MYO16: variants seen among roughly 807,000 people sequenced by gnomAD.
MYO16 encodes the protein unconventional myosin-XVI.
MYO16 carries 94 observed loss-of-function variants against 205.3 expected under a neutral mutation model. The ratio of observed to expected loss-of-function variants is 0.46; its 90% CI spans 0.39 to 0.54. The LOEUF (loss-of-function observed/expected upper bound fraction) is 0.54. Ranked by LOEUF, MYO16 falls within the 20% of genes least tolerant of loss-of-function variation. The pLI is 0.00. For missense variants in MYO16, 2,315 were observed against 2,387.5 expected, an observed-to-expected ratio of 0.97 and a Z score of 0.63; for synonymous variants, 988 against 954.0, an observed-to-expected ratio of 1.04 and a Z score of -0.66.
intron 4 of MYO16, among the ~76,000 whole-genome samples, chr13:108,747,808 C>T (rs142627221): frequency 4.2e-3 from 635 of 152,060 alleles, no homozygotes; most frequent in African/African-American, 0.015. Flanking sequence ...TATAAAGATG[C>T]AGACAGGATA....
At chr13:108,557,037 G>A in the MYO16 span, among the ~76,000 whole-genome samples, 5 of 152,094 alleles carry the variant, frequency 3.3e-5, no homozygotes, top group South Asian at 2.1e-4. Context: ...TACCATAGCC[G>A]CCTATTATTT....
At chr13:109,199,258 T>C (rs1210098234) in intron 34 of MYO16, among the ~76,000 whole-genome samples, 1 of 139,584 alleles carries the variant, frequency 7.2e-6, no homozygotes, top group Non-Finnish European at 1.6e-5. Context: ...TTTGCCTCGC[T>C]CCATCTCTGT....
At chr13:108,767,832 G>T (rs990602857) in intron 4 of MYO16, among the ~76,000 whole-genome samples, 24 of 152,098 alleles carry the variant, frequency 1.6e-4, no homozygotes, top group African/African-American at 5.6e-4. Context: ...GGAATGTGTG[G>T]TTTGATATAT....
At chr13:109,064,968 A>G (rs1887699858) in intron 27 of MYO16, among the ~76,000 whole-genome samples, 1 of 152,188 alleles carries the variant, frequency 6.6e-6, no homozygotes, top group Admixed American at 6.5e-5. Flanking sequence ...GCTGTGAGCT[A>G]ACTGGGATTA....
At chr13:108,564,230 G>A in the MYO16 span, among the ~76,000 whole-genome samples, 28 of 149,680 alleles carry the variant, frequency 1.9e-4, no homozygotes, top group Non-Finnish European at 3.0e-4. Context: ...GAATGCAGTG[G>A]CACCATCTTG....
intron 4 of MYO16, among the ~76,000 whole-genome samples, chr13:108,763,661 T>C (rs1218983032): frequency 2.0e-5 from 3 of 152,180 alleles, no homozygotes; most frequent in South Asian, 4.1e-4. Flanking sequence ...GTTAACGAAA[T>C]CTTTTTGTGT....
At chr13:108,626,051 G>T (rs576245897), upstream of MYO16, among the ~76,000 whole-genome samples, 8 of 152,162 alleles carry the variant, frequency 5.3e-5, no homozygotes, top group Non-Finnish European at 1.0e-4. Context: ...TCTAACTTTT[G>T]AATGCTTATC....
At chr13:108,782,823 T>C (rs1045780753) in intron 4 of MYO16, among the ~76,000 whole-genome samples, 1 of 152,184 alleles carries the variant, frequency 6.6e-6, no homozygotes, top group Admixed American at 6.5e-5. Flanking sequence ...CCTTGGCAGC[T>C]TCCATGTGGT....
chr13:108,503,969 AT>A, the MYO16 span, among the ~76,000 whole-genome samples: 8 of 57,590 alleles, frequency 1.4e-4, no homozygotes, highest in African/African-American at 3.0e-4. Context: ...TTTTATTATT[AT>A]TTTTTTTGCC....
intron 6 of MYO16, among the ~76,000 whole-genome samples, chr13:108,794,436 A>C (rs1379545613): frequency 2.0e-5 from 3 of 152,228 alleles, no homozygotes; most frequent in Non-Finnish European, 4.4e-5. Context: ...AAGAATTTAA[A>C]ATAATTTTTA....
intron 1 of MYO16, among the ~76,000 whole-genome samples, chr13:108,596,712 C>A (rs996801293): frequency 4.6e-5 from 7 of 151,844 alleles, no homozygotes; most frequent in African/African-American, 1.7e-4. Flanking sequence ...AAACTGACAC[C>A]TTTTTTTTAC....
At chr13:108,567,204 A>T in the MYO16 span, among the ~76,000 whole-genome samples, 5 of 152,146 alleles carry the variant, frequency 3.3e-5, no homozygotes, top group African/African-American at 7.2e-5. Flanking sequence ...AACGAAGTAA[A>T]TAATCAGGAT....
chr13:108,737,385 A>G (rs551607166), intron 4 of MYO16, among the ~76,000 whole-genome samples: 1 of 152,268 alleles, frequency 6.6e-6, no homozygotes, highest in South Asian at 2.1e-4. Context: ...TTCTGCATCT[A>G]TTGAGATAAT....
At chr13:108,708,071 T>A (rs1471301472) in intron 2 of MYO16, among the ~76,000 whole-genome samples, 1 of 152,162 alleles carries the variant, frequency 6.6e-6, no homozygotes. Context: ...GAGGGGGTGA[T>A]AATAAAAAAC....
intron 29 of MYO16, among the ~76,000 whole-genome samples, chr13:109,124,507 T>C (rs984218422): frequency 5.9e-5 from 9 of 152,216 alleles, no homozygotes; most frequent in African/African-American, 1.9e-4. Flanking sequence ...TTAATTCTTG[T>C]ATTTGTTACT....
At chr13:108,629,128 C>A (rs1594156529), upstream of MYO16, 1 of 152,092 alleles carries the variant, frequency 6.6e-6, no homozygotes, top group African/African-American at 2.4e-5. Context: ...CTATGCAAAC[C>A]AAAAGCTTTT....
chr13:108,642,257 C>T (rs373017017), intron 1 of MYO16, among the ~76,000 whole-genome samples: 18 of 152,108 alleles, frequency 1.2e-4, no homozygotes, highest in African/African-American at 3.9e-4. Flanking sequence ...AGGCACTGCC[C>T]GTGGCATGAG....
the MYO16 span, among the ~76,000 whole-genome samples, chr13:108,509,148 G>A: frequency 6.6e-6 from 1 of 152,192 alleles, no homozygotes; most frequent in East Asian, 1.9e-4. Context: ...CAGGTAGAGA[G>A]ATCTGAAACC....
intron 3 of MYO16, among the ~76,000 whole-genome samples, chr13:108,726,948 G>A (rs192339447): frequency 1.4e-3 from 215 of 151,244 alleles, no homozygotes; most frequent in Non-Finnish European, 1.4e-3. Context: ...CTAGGGTGAA[G>A]GTTACAGATG....
Sources: gnomAD v4.1 joint callset for allele counts (sites outside exome capture counted in the v4.1 genomes callset) on GRCh38, gnomAD v4.1.1 for gene constraint, MANE v1.5 for transcripts, NCBI Gene and HGNC (gene_info 2026-07-23, HGNC 2026-07-21) for gene names.